The following MYO9B variants were observed in gnomAD, a reference collection of about 807,000 sequenced individuals.
The protein encoded by MYO9B is unconventional myosin-IXb.
A neutral mutation model predicts 229.5 loss-of-function variants in MYO9B; 71 were observed. The ratio of observed to expected loss-of-function variants is 0.31; its 90% CI spans 0.26 to 0.38. The LOEUF (loss-of-function observed/expected upper bound fraction) is 0.38. Among genes scored for constraint, MYO9B ranks in the 10% least tolerant of loss-of-function variants. The probability of loss-of-function intolerance (pLI) is 1.00; values close to 1 mark genes in which losing one functional copy is unlikely to be tolerated. For missense variants in MYO9B, 2,255 were observed against 2,920.5 expected (o/e 0.77, Z 5.25); for synonymous variants, 1,185 against 1,235.8 (o/e 0.96, Z 0.86).
chr19:17,209,830 G>A (rs1400177607), intron 36 of MYO9B, 121 bp downstream of exon 36: 3 of 1,247,832 alleles, frequency 2.4e-6, no homozygotes, highest in East Asian at 2.5e-5. Flanking sequence ...GGTGGGCGGG[G>A]CCTTGGGTGG....
At chr19:17,111,043 C>A (rs963302026) in intron 2 of MYO9B, among the ~76,000 whole-genome samples, 2 of 152,308 alleles carry the variant, frequency 1.3e-5, no homozygotes, top group Middle Eastern at 3.4e-3. Flanking sequence ...GGTAGGTCAC[C>A]TAGACCACAG....
At chr19:17,198,677 G>C (rs1326926708) in intron 24 of MYO9B, among the ~76,000 whole-genome samples, 1 of 148,692 alleles carries the variant, frequency 6.7e-6, no homozygotes, top group Non-Finnish European at 1.5e-5. Flanking sequence ...GGAGGTTGCA[G>C]TGAGCTGAGA....
chr19:17,204,618 A>C, intron 30 of MYO9B, among the ~76,000 whole-genome samples: 1 of 150,988 alleles, frequency 6.6e-6, no homozygotes, highest in Non-Finnish European at 1.5e-5. Flanking sequence ...CTGGGGCGGG[A>C]GGGTCGCTTG....
intron 14 of MYO9B, among the ~76,000 whole-genome samples, chr19:17,179,925 A>G (rs2072837835): frequency 6.6e-6 from 1 of 151,150 alleles, no homozygotes; most frequent in Non-Finnish European, 1.5e-5. Flanking sequence ...AAAAATAAAA[A>G]TAAATTTAAA....
intron 4 of MYO9B, 109 bp downstream of exon 4, chr19:17,152,815 G>A (rs969618800): frequency 2.2e-6 from 2 of 899,806 alleles, no homozygotes; most frequent in Admixed American, 2.4e-5. Context: ...AATTCTGGGG[G>A]AGGCCGTGGA....
In MYO9B at chr19:17,200,721, T is replaced by C; in HGVS notation, c.4455T>C (p.Asn1485=). 1 of 1,613,924 alleles carries C rather than the reference T, an allele frequency of 6.2e-7. No individual in the cohort carries two copies. The highest frequency in any genetic ancestry group is 1.1e-5 in the South Asian group (1 of 91,084). The change falls in exon 26 of 40, where the codon AAT becomes AAC. Residue 1485 remains asparagine (N), a synonymous_variant. Coordinates refer to ENST00000682292, the MANE Select transcript of MYO9B (RefSeq NM_004145.4). ...EPGGKGKKNR[N]VKIGKITVSE... ...GAGGCAAAGGGAAGAAGAACCGAAA[T>C]GTCAAGATTGGGAAGATCACAGTGT... is the stretch of plus-strand genomic sequence containing the variant.
chr19:17,111,706 C>T (rs1176756667), intron 2 of MYO9B, among the ~76,000 whole-genome samples: 1 of 152,168 alleles, frequency 6.6e-6, no homozygotes, highest in Admixed American at 6.5e-5. Flanking sequence ...CAGTGGTATG[C>T]AACCGTCGCC....
chr19:17,201,415 C>G (rs553317122), intron 26 of MYO9B, among the ~76,000 whole-genome samples: 1 of 152,060 alleles, frequency 6.6e-6, no homozygotes, highest in South Asian at 2.1e-4. Context: ...GCACAGGGGG[C>G]CGATGGGGAC....
chr19:17,083,090 G>T (rs1196209640), intron 1 of MYO9B, among the ~76,000 whole-genome samples: 1 of 149,184 alleles, frequency 6.7e-6, no homozygotes, highest in African/African-American at 2.5e-5. Flanking sequence ...AAGTGCAGAG[G>T]CATGATCTTG....
intron 9 of MYO9B, 77 bp from the exon 10 acceptor site, chr19:17,162,911 G>C: frequency 5.9e-6 from 9 of 1,520,092 alleles, no homozygotes; most frequent in Non-Finnish European, 8.0e-6. Context: ...ACAGCCTGTA[G>C]AGCCAACCCC....
chr19:17,142,630 C>G (rs1227002490), intron 2 of MYO9B, among the ~76,000 whole-genome samples: 2 of 152,068 alleles, frequency 1.3e-5, no homozygotes, highest in African/African-American at 4.8e-5. Flanking sequence ...ATATTTGCAC[C>G]TTCGCAGACT....
At position 17,207,226 on chromosome 19, in the gene MYO9B, A is replaced by T. The variant is rs1397761656; in HGVS notation, c.5606A>T (p.Asp1869Val). 1 of 1,598,276 alleles carries T rather than the reference A, an allele frequency of 6.3e-7. No homozygotes were observed. Among genetic ancestry groups the T allele is most frequent in the Non-Finnish European group, 8.5e-7 (1 of 1,173,846 alleles). Residue 1869 changes from aspartate to valine, a missense_variant, in exon 35 of 40, where the codon GAC (aspartate) becomes GTC (valine). Transcript: ENST00000682292. ...DNSDPLTSMK[D>V]VLKITTCVEM... ...TCGGACCCGCTGACCAGCATGAAGG[A>T]CGTCCTCAAGATCACCACGTGAGTG... is the stretch of plus-strand genomic sequence containing the variant.
At chr19:17,094,188 A>G (rs1026042227) in intron 1 of MYO9B, among the ~76,000 whole-genome samples, 1 of 152,096 alleles carries the variant, frequency 6.6e-6, no homozygotes, top group African/African-American at 2.4e-5. Flanking sequence ...GGCATGCGCC[A>G]CCATGCCTGG....
In MYO9B at chr19:17,101,565, G is replaced by T. The variant is rs1197318172; in HGVS notation, c.-58-95G>T. The T allele has an allele frequency of 1.6e-6, 2 of 1,237,094 alleles. No individual in the cohort carries two copies. Among genetic ancestry groups the T allele is most frequent in the Non-Finnish European group, 2.2e-6 (2 of 922,398 alleles). The allele number at this position is 1,237,094 out of a possible 1,614,324, so 76.6% of individuals were successfully genotyped here. A position where few individuals can be genotyped will look rare whatever the true frequency, so the allele number is the denominator to read the frequency against. The stretch of plus-strand genomic sequence containing the variant: ...TAGTCGGGTGGGGAACTCCAGCATC[G>T]GGTCAGGTGCTATCTGCCCAGGAGT... On this transcript the variant is annotated intron_variant, in intron 1 of 39. Coordinates refer to ENST00000682292, the MANE Select transcript of MYO9B (RefSeq NM_004145.4). This position sits in a 1 kb window ranked among gnomAD's most constrained non-coding sequence, Gnocchi z 4.7.
At chr19:17,171,361 C>A (rs1174021587) in intron 11 of MYO9B, among the ~76,000 whole-genome samples, 1 of 152,128 alleles carries the variant, frequency 6.6e-6, no homozygotes, top group Non-Finnish European at 1.5e-5. Context: ...CACAACAGAG[C>A]CCTGCTTCAT....
In MYO9B at chr19:17,199,014, A is replaced by G. The variant is rs897518957; in HGVS notation, c.4238+706A>G. ...CCAGGAGTTCAAGATCAGCCTGGGC[A>G]GCGTGGCAAAATCTTGTCTCTGCAA... On this transcript the variant is annotated intron_variant, in intron 24 of 39. Transcript: ENST00000682292. 4.6e-5 allele frequency among the ~76,000 whole-genome samples: 7 copies of G among 152,256 alleles called. No homozygotes were observed. In the East Asian group the frequency reaches 5.8e-4, roughly 13 times the overall value.
At chr19:17,158,217 A>G (rs1201166353) in intron 7 of MYO9B, among the ~76,000 whole-genome samples, 2 of 152,218 alleles carry the variant, frequency 1.3e-5, no homozygotes, top group African/African-American at 4.8e-5. Flanking sequence ...TTATTGGTAC[A>G]GGAGCCCCAG....
chr19:17,162,496 C>T (rs762139388), intron 9 of MYO9B, 30 bp downstream of exon 9: 27 of 1,530,170 alleles, frequency 1.8e-5, no homozygotes, highest in Admixed American at 3.9e-5. Context: ...TCCTCAAGCC[C>T]GGCCAGGGGA....
intron 2 of MYO9B, among the ~76,000 whole-genome samples, chr19:17,137,844 A>G (rs1053295116): frequency 1.3e-4 from 20 of 151,180 alleles, no homozygotes; most frequent in African/African-American, 4.6e-4. Context: ...GGCTGAAGCA[A>G]TCCTCCCACC....
Sources: allele counts gnomAD v4.1 joint callset (sites outside exome capture counted in the v4.1 genomes callset), GRCh38; gene constraint gnomAD v4.1.1; non-coding constraint Gnocchi (gnomAD v3.1); transcripts MANE v1.5; gene names NCBI Gene and HGNC (gene_info 2026-07-23, HGNC 2026-07-21).